Variants in RSRC1 observed in about 807,000 individuals in gnomAD.
RSRC1 encodes the protein serine/Arginine-related protein 53.
In RSRC1, 39 loss-of-function variants were observed where a neutral mutation model predicts 49.1. That is an observed-to-expected ratio of 0.79 (90% CI 0.61 to 1.04). The LOEUF (loss-of-function observed/expected upper bound fraction) is 1.04, where lower values mean the gene tolerates loss of function less well. Ranked by LOEUF, RSRC1 falls within the 50% of genes least tolerant of loss-of-function variation. The probability of loss-of-function intolerance (pLI) is 0.00; values close to 1 mark genes in which losing one functional copy is unlikely to be tolerated. For synonymous variants in RSRC1, 143 were observed against 130.8 expected (o/e 1.09, Z -0.63); for missense variants, 388 against 402.4 (o/e 0.96, Z 0.31).
intron 7 of RSRC1, chr3:158,496,775 G>A (rs1345067556): frequency 1.1e-5 from 3 of 270,566 alleles, no homozygotes; most frequent in Non-Finnish European, 2.4e-5. Context: ...ATCTACCTAA[G>A]TAAGGTTGAT....
intron 6 of RSRC1, among the ~76,000 whole-genome samples, chr3:158,412,115 G>C (rs1338546941): frequency 6.6e-6 from 1 of 151,910 alleles, no homozygotes; most frequent in Non-Finnish European, 1.5e-5. Context: ...TTTCCAATTC[G>C]CCTAAAGACA....
chr3:158,262,178 C>T (rs1724935297), intron 4 of RSRC1, among the ~76,000 whole-genome samples: 2 of 151,956 alleles, frequency 1.3e-5, no homozygotes, highest in African/African-American at 2.4e-5. Context: ...TCATGTGTTT[C>T]GTGTTGATCT....
chr3:158,213,946 C>T (rs965204707), intron 4 of RSRC1, among the ~76,000 whole-genome samples: 2 of 151,832 alleles, frequency 1.3e-5, no homozygotes, highest in Admixed American at 1.3e-4. Flanking sequence ...TTAGTGTAGT[C>T]AGCCTTCCAT....
At chr3:158,240,443 C>T (rs553733051) in intron 4 of RSRC1, among the ~76,000 whole-genome samples, 177 of 152,132 alleles carry the variant, frequency 1.2e-3, no homozygotes, top group Non-Finnish European at 2.3e-3. Context: ...AATAGATTTT[C>T]TGTTATTAAT....
rs1026317064 is a variant in RSRC1 at position 158,539,867 on chromosome 3, A to G, written c.759+2669A>G. Among the ~76,000 whole-genome samples the G allele has an allele frequency of 6.6e-6, 1 of 152,200 alleles. No homozygotes were observed. The highest frequency in any genetic ancestry group is 1.5e-5 in the Non-Finnish European group (1 of 68,016). ...CTTAATGTACTGTGTACGTAAAAAC[A>G]AGATGAGATTGCTTGGTTTATATGG... On this transcript the variant is annotated intron_variant, in intron 8 of 9. Transcript: ENST00000611884. This position sits in a 1 kb window ranked among gnomAD's most constrained non-coding sequence, Gnocchi z 4.1.
At chr3:158,382,507 T>C (rs925293052) in intron 6 of RSRC1, among the ~76,000 whole-genome samples, 2 of 152,200 alleles carry the variant, frequency 1.3e-5, no homozygotes, top group Non-Finnish European at 2.9e-5. Flanking sequence ...TTCAGCTTTA[T>C]TATAATCTTA....
At chr3:158,387,266 A>G (rs767161455) in intron 6 of RSRC1, among the ~76,000 whole-genome samples, 5 of 152,116 alleles carry the variant, frequency 3.3e-5, no homozygotes, top group African/African-American at 4.8e-5. Flanking sequence ...CTGGTCAGAG[A>G]AGTTTCCTAT....
chr3:158,198,180 T>C (rs1195569132), intron 3 of RSRC1, among the ~76,000 whole-genome samples: 2 of 152,160 alleles, frequency 1.3e-5, no homozygotes, highest in East Asian at 3.9e-4. Context: ...TGCTCCTGTA[T>C]TGGGTGCATA....
chr3:158,309,190 A>T (rs2693542), intron 5 of RSRC1, among the ~76,000 whole-genome samples: 72,987 of 151,586 alleles, frequency 0.48, 18,205 homozygotes, highest in East Asian at 0.64. Flanking sequence ...CCTTATAGAG[A>T]CATGAAGATA....
At chr3:158,117,966 T>C (rs1442124133) in intron 1 of RSRC1, among the ~76,000 whole-genome samples, 1 of 151,668 alleles carries the variant, frequency 6.6e-6, no homozygotes, top group African/African-American at 2.4e-5. Flanking sequence ...GTCTGTTTTT[T>C]TGAGGCTGGG....
chr3:158,435,907 A>G (rs1029587405), intron 6 of RSRC1, among the ~76,000 whole-genome samples: 2 of 151,834 alleles, frequency 1.3e-5, no homozygotes, highest in African/African-American at 4.8e-5. Flanking sequence ...GCCAGATTTT[A>G]TATCTGAATA....
At chr3:158,355,043 A>T in intron 6 of RSRC1, 135 bp downstream of exon 6, 1 of 532,624 alleles carries the variant, frequency 1.9e-6, no homozygotes, top group Non-Finnish European at 3.3e-6. Context: ...TCTAGATTAT[A>T]TGTATGGCCA....
chr3:158,387,790 C>T (rs570597572), intron 6 of RSRC1, among the ~76,000 whole-genome samples: 23 of 152,134 alleles, frequency 1.5e-4, no homozygotes, highest in Non-Finnish European at 2.8e-4. Context: ...ATTTTTAAAA[C>T]GTTTGCTTTA....
intron 7 of RSRC1, among the ~76,000 whole-genome samples, chr3:158,516,937 G>T (rs2108483852): frequency 6.6e-6 from 1 of 152,326 alleles, no homozygotes; most frequent in Admixed American, 6.5e-5. Flanking sequence ...GTGAGGCAGT[G>T]CCTCGCCCTG....
chr3:158,334,202 C>T (rs545528864), intron 5 of RSRC1, among the ~76,000 whole-genome samples: 9 of 152,122 alleles, frequency 5.9e-5, no homozygotes, highest in Non-Finnish European at 1.2e-4. Context: ...TATGCCACCA[C>T]ATACCTTTTC....
At chr3:158,488,098 G>A (rs973002072) in intron 7 of RSRC1, among the ~76,000 whole-genome samples, 2 of 151,958 alleles carry the variant, frequency 1.3e-5, no homozygotes, top group Non-Finnish European at 2.9e-5. Flanking sequence ...CAAAAACGTG[G>A]ACACTGACAA....
At chr3:158,188,380 C>G (rs1720046273) in intron 3 of RSRC1, among the ~76,000 whole-genome samples, 1 of 151,958 alleles carries the variant, frequency 6.6e-6, no homozygotes, top group African/African-American at 2.4e-5. Flanking sequence ...ACTTCCTTCT[C>G]TTTGATACAG....
chr3:158,229,141 A>AAC (rs1722750937), intron 4 of RSRC1, among the ~76,000 whole-genome samples: 1 of 150,492 alleles, frequency 6.6e-6, no homozygotes, highest in African/African-American at 2.4e-5. Flanking sequence ...TGTGTATATA[A>AAC]ACATACATAC....
chr3:158,508,199 A>G (rs1739958947), intron 7 of RSRC1, among the ~76,000 whole-genome samples: 1 of 152,196 alleles, frequency 6.6e-6, no homozygotes, highest in South Asian at 2.1e-4. Context: ...ATTTGCTTCT[A>G]AGAACTGTAG....
Sources: gnomAD v4.1 joint callset for allele counts (sites outside exome capture counted in the v4.1 genomes callset) on GRCh38, gnomAD v4.1.1 for gene constraint, Gnocchi (gnomAD v3.1) non-coding constraint, MANE v1.5 for transcripts, NCBI Gene and HGNC (gene_info 2026-07-23, HGNC 2026-07-21) for gene names.